HSD17B12: variants seen among roughly 807,000 people sequenced by gnomAD.
HSD17B12 encodes hydroxysteroid 17-beta dehydrogenase 12, also known as very-long-chain 3-oxoacyl-CoA reductase.
HSD17B12 carries 32 observed loss-of-function variants against 39.3 expected under a neutral mutation model. The ratio of observed to expected loss-of-function variants is 0.81; its 90% confidence interval spans 0.61 to 1.09. HSD17B12 has a LOEUF of 1.09. Ranked by LOEUF, HSD17B12 falls within the 50% of genes least tolerant of loss-of-function variation. The pLI is 0.00. For missense variants in HSD17B12, 342 were observed against 382.9 expected (o/e 0.89, Z 0.89); for synonymous variants, 150 against 146.7 (o/e 1.02, Z -0.16).
the HSD17B12 span, among the ~76,000 whole-genome samples, chr11:43,653,984 T>C: frequency 1.2e-3 from 178 of 152,142 alleles, no homozygotes; most frequent in African/African-American, 4.1e-3. Context: ...ACTTCCACAA[T>C]GGTTGAACTA....
chr11:43,751,003 T>G (rs765846591), intron 2 of HSD17B12, 46 bp downstream of exon 2: 1 of 1,211,130 alleles, frequency 8.3e-7, no homozygotes, highest in Non-Finnish European at 1.2e-6. Context: ...AAAATAAGAA[T>G]AAATATGGGA....
chr11:43,828,221 C>T (rs1423168680), intron 6 of HSD17B12, among the ~76,000 whole-genome samples: 2 of 149,012 alleles, frequency 1.3e-5, no homozygotes, highest in Non-Finnish European at 3.0e-5. Context: ...CGGCTCACTG[C>T]AAGCTCTGCC....
chr11:43,647,079 T>C, the HSD17B12 span, among the ~76,000 whole-genome samples: 1 of 152,196 alleles, frequency 6.6e-6, no homozygotes, highest in African/African-American at 2.4e-5. Flanking sequence ...ATTCTTGTGT[T>C]CATTCAAAAA....
chr11:43,684,436 A>G (rs979536460), intron 1 of HSD17B12, among the ~76,000 whole-genome samples: 3 of 152,274 alleles, frequency 2.0e-5, no homozygotes, highest in Non-Finnish European at 2.9e-5. Flanking sequence ...TGGTTTGACC[A>G]TAAATACATT....
intron 4 of HSD17B12, chr11:43,806,129 C>T (rs1001990935): frequency 3.9e-5 from 6 of 152,224 alleles, no homozygotes; most frequent in South Asian, 2.1e-4. Flanking sequence ...GAAGCTCTAC[C>T]GGGCTTCAGT....
intron 1 of HSD17B12, among the ~76,000 whole-genome samples, chr11:43,700,982 T>A (rs1238617811): frequency 6.6e-6 from 1 of 152,170 alleles, no homozygotes; most frequent in Non-Finnish European, 1.5e-5. Context: ...TTTCTCCACA[T>A]CTTTGCCAGC....
At chr11:43,607,183 G>A in the HSD17B12 span, among the ~76,000 whole-genome samples, 17 of 152,104 alleles carry the variant, frequency 1.1e-4, no homozygotes, top group South Asian at 3.3e-3. Flanking sequence ...AAATTGTCTT[G>A]CTTCCTTTTG....
the HSD17B12 span, among the ~76,000 whole-genome samples, chr11:43,642,665 A>G: frequency 5.3e-5 from 8 of 152,008 alleles, no homozygotes; most frequent in South Asian, 1.0e-3. Context: ...AGAGGGGAAA[A>G]AAACAGAGCT....
chr11:43,671,983 T>C, the HSD17B12 span, among the ~76,000 whole-genome samples: 1 of 152,250 alleles, frequency 6.6e-6, no homozygotes, highest in African/African-American at 2.4e-5. Context: ...TACAGAAGAC[T>C]ATGAATGTGA....
At chr11:43,704,569 A>G (rs187300436) in intron 1 of HSD17B12, among the ~76,000 whole-genome samples, 23 of 152,328 alleles carry the variant, frequency 1.5e-4, no homozygotes, top group Non-Finnish European at 2.6e-4. Context: ...TTGTATAGGT[A>G]CTGTGTAATC....
At chr11:43,648,167 G>C in the HSD17B12 span, among the ~76,000 whole-genome samples, 1 of 151,802 alleles carries the variant, frequency 6.6e-6, no homozygotes, top group Non-Finnish European at 1.5e-5. Context: ...TTTTTGTTCA[G>C]TTTTCTCTCT....
At chr11:43,696,233 C>G (rs779525888) in intron 1 of HSD17B12, among the ~76,000 whole-genome samples, 2 of 151,998 alleles carry the variant, frequency 1.3e-5, no homozygotes, top group Non-Finnish European at 2.9e-5. Context: ...ATATGCTAGG[C>G]CCTGTGCTGG....
intron 9 of HSD17B12, among the ~76,000 whole-genome samples, chr11:43,844,376 T>A (rs1951455461): frequency 6.6e-6 from 1 of 152,172 alleles, no homozygotes; most frequent in Non-Finnish European, 1.5e-5. Context: ...AATCATTTCC[T>A]GGGAATGCAA....
At chr11:43,623,321 AT>A in the HSD17B12 span, among the ~76,000 whole-genome samples, 1 of 151,928 alleles carries the variant, frequency 6.6e-6, no homozygotes, top group South Asian at 2.1e-4. Flanking sequence ...ATTCAATCAT[AT>A]TTTTAACTCT....
At chr11:43,616,411 A>AAAAAAC in the HSD17B12 span, among the ~76,000 whole-genome samples, 3 of 138,856 alleles carry the variant, frequency 2.2e-5, 1 homozygote, top group South Asian at 4.9e-4. Flanking sequence ...TCCATCTAAA[A>AAAAAAC]AAAAAACAAA....
At chr11:43,670,552 CAT>C in the HSD17B12 span, 5 of 152,110 alleles carry the variant, frequency 3.3e-5, no homozygotes, top group African/African-American at 9.7e-5. Flanking sequence ...ATATAACTAA[CAT>C]ATATTTCATC....
chr11:43,611,472 A>G, the HSD17B12 span, among the ~76,000 whole-genome samples: 5 of 152,238 alleles, frequency 3.3e-5, no homozygotes, highest in African/African-American at 1.2e-4. Context: ...AGCAGCAGAC[A>G]TTAATTTGTA....
At chr11:43,616,999 G>GA in the HSD17B12 span, among the ~76,000 whole-genome samples, 15 of 147,950 alleles carry the variant, frequency 1.0e-4, no homozygotes, top group East Asian at 2.0e-4. Context: ...AAAAGAAAAA[G>GA]AAAAAAAAAT....
chr11:43,772,395 G>T (rs539318264), intron 3 of HSD17B12, among the ~76,000 whole-genome samples: 41 of 151,966 alleles, frequency 2.7e-4, no homozygotes, highest in African/African-American at 9.2e-4. Flanking sequence ...AAATTTTGGG[G>T]TTTTTTTTGG....
Sources: gnomAD v4.1 joint callset for allele counts (sites outside exome capture counted in the v4.1 genomes callset) on GRCh38, gnomAD v4.1.1 for gene constraint, MANE v1.5 for transcripts, NCBI Gene and HGNC (gene_info 2026-07-23, HGNC 2026-07-21) for gene names.